Variants in TXNDC11 observed in about 807,000 individuals in gnomAD.
TXNDC11 encodes the protein thioredoxin domain containing 11.
A neutral mutation model predicts 78.0 loss-of-function variants in TXNDC11; 68 were observed. The ratio of observed to expected loss-of-function variants is 0.87; its 90% CI spans 0.72 to 1.07. The LOEUF (loss-of-function observed/expected upper bound fraction) is 1.07. Among genes scored for constraint, TXNDC11 ranks in the 50% least tolerant of loss-of-function variants. The pLI, the probability that TXNDC11 is intolerant of heterozygous loss-of-function variation, is 0.00. For missense variants in TXNDC11, 1,389 were observed against 1,221.8 expected (o/e 1.14, Z -2.04); for synonymous variants, 571 against 495.2 (o/e 1.15, Z -2.03).
chr16:11,707,563 C>G (rs55818119), intron 5 of TXNDC11, among the ~76,000 whole-genome samples: 1 of 151,822 alleles, frequency 6.6e-6, no homozygotes, highest in Admixed American at 6.6e-5. Context: ...ATTCTCCTGC[C>G]TCAGCCTCCT....
chr16:11,683,881 G>C (rs534257945), intron 11 of TXNDC11, among the ~76,000 whole-genome samples: 73 of 151,708 alleles, frequency 4.8e-4, no homozygotes, highest in African/African-American at 1.7e-3. Flanking sequence ...CCTCAGAGTA[G>C]CTGGGATTAC....
intron 3 of TXNDC11, among the ~76,000 whole-genome samples, chr16:11,732,619 C>T (rs1284436099): frequency 1.3e-5 from 2 of 152,184 alleles, no homozygotes; most frequent in African/African-American, 4.8e-5. Flanking sequence ...CAAAAACTGG[C>T]TTCTTACTAC....
intron 4 of TXNDC11, among the ~76,000 whole-genome samples, chr16:11,730,047 T>C (rs2052001444): frequency 6.6e-6 from 1 of 152,000 alleles, no homozygotes; most frequent in Admixed American, 6.5e-5. Flanking sequence ...TGAGCTGAGA[T>C]TGCACTCCAG....
chr16:11,698,434 C>CCCCGCTCCACGCCTGG, intron 6 of TXNDC11, 109 bp from the exon 7 acceptor site: 1 of 923,192 alleles, frequency 1.1e-6, no homozygotes, highest in Non-Finnish European at 1.7e-6. Flanking sequence ...AAAACCCAGG[C>CCCCGCTCCACGCCTGG]GTGGAGCGGG....
chr16:11,716,530 A>C (rs1022348213), intron 5 of TXNDC11, among the ~76,000 whole-genome samples: 14 of 152,202 alleles, frequency 9.2e-5, no homozygotes, highest in African/African-American at 3.4e-4. Flanking sequence ...AACATATACA[A>C]AGATTGCCAG....
At position 11,717,648 on chromosome 16, in the gene TXNDC11, C is replaced by T. The variant is rs374549165; in HGVS notation, c.793+3929G>A. Among the ~76,000 whole-genome samples the T allele has an allele frequency of 1.2e-4, 18 of 150,042 alleles. 3 individuals are homozygous for T. The highest frequency in any genetic ancestry group is 5.3e-4 in the Admixed American group (8 of 15,136). Reference sequence around the variant, plus strand: ...CAGCCTGGCCAACATGGTGAAACCCCGTCTCTACTAAAAATACAAAAAATA... The same window carrying T: ...CAGCCTGGCCAACATGGTGAAACCCTGTCTCTACTAAAAATACAAAAAATA... On this transcript the variant is annotated intron_variant, in intron 5 of 11. Coordinates refer to ENST00000283033, the MANE Select transcript of TXNDC11 (RefSeq NM_015914.7).
rs61745174 is a variant in TXNDC11, at chr16:11,679,549, C to T, written c.2523G>A (p.Gln841=). 1.0e-4 allele frequency: 164 copies of T among 1,613,600 alleles called. No individual in the cohort carries two copies. The African/African-American group carries it at 2.0e-3, about 20-fold the overall frequency. Residue 841 remains glutamine, a synonymous_variant, in exon 12 of 12, where the codon CAG becomes CAA. Transcript: ENST00000283033. This position sits in a 1 kb window ranked among gnomAD's most constrained non-coding sequence, Gnocchi z 4.6. ...TGTGCTGCTCTTCCAGGGCCCGCTGCTGCTGCCGCAGCCGGTGCTCATCTC... is the reference window on the plus strand; with the variant it reads ...TGTGCTGCTCTTCCAGGGCCCGCTGTTGCTGCCGCAGCCGGTGCTCATCTC... ...ARRDEHRLRQ[Q]QRALEEQHSL...
At chr16:11,724,449 C>G (rs1432971466) in intron 4 of TXNDC11, among the ~76,000 whole-genome samples, 1 of 152,084 alleles carries the variant, frequency 6.6e-6, no homozygotes, top group African/African-American at 2.4e-5. Flanking sequence ...CCTTTCCAAT[C>G]AACTTAATGT....
rs569041668 is a variant in TXNDC11 at position 11,683,356 on chromosome 16, G to T, written c.2234+809C>A. On this transcript the variant is annotated intron_variant, in intron 11 of 11. Transcript: ENST00000283033. ...GACGTTCACAGCAGTCTGCACGCAT[G>T]GGAGAAAACCCCTTTGTAGGCCTCC... Among the ~76,000 whole-genome samples the T allele has an allele frequency of 3.3e-5, 5 of 152,270 alleles. No individual in the cohort carries two copies. The South Asian group carries it at 1.0e-3, about 32-fold the overall frequency.
intron 11 of TXNDC11, among the ~76,000 whole-genome samples, chr16:11,683,333 C>T (rs1355996787): frequency 1.3e-5 from 2 of 152,176 alleles, no homozygotes; most frequent in East Asian, 1.9e-4. Context: ...CCATGGCGGA[C>T]GTTCACAGCA....
chr16:11,700,506 T>A lies in TXNDC11; in HGVS notation c.852A>T (p.Val284=). 6.2e-7 allele frequency: 1 copy of A among 1,606,346 alleles called. No homozygotes were observed. The highest frequency in any genetic ancestry group is 1.1e-5 in the South Asian group (1 of 90,724). ...ACACACTTCCAGAGTGTACTAAGGA[T>A]ACCAGTTTCGCAAGATGTTTATTTG... ...VITNKHLAKL[V]SLVHSGSVYL... The change falls in exon 6 of 12, where the codon GTA becomes GTT. Residue 284 remains valine, a synonymous_variant. Transcript: ENST00000283033.
chr16:11,681,723 T>C (rs1376102078), intron 11 of TXNDC11, among the ~76,000 whole-genome samples: 1 of 152,188 alleles, frequency 6.6e-6, no homozygotes, highest in Admixed American at 6.5e-5. Flanking sequence ...TTTTGCAATG[T>C]CACACAGAGT....
chr16:11,714,508 C>G (rs1397474868), intron 5 of TXNDC11, among the ~76,000 whole-genome samples: 2 of 152,040 alleles, frequency 1.3e-5, no homozygotes, highest in Non-Finnish European at 2.9e-5. Flanking sequence ...GGCGTGGTGG[C>G]GGGCGCCTGT....
chr16:11,725,751 C>G (rs533477829), intron 4 of TXNDC11, among the ~76,000 whole-genome samples: 12 of 152,258 alleles, frequency 7.9e-5, no homozygotes, highest in African/African-American at 2.2e-4. Flanking sequence ...CTAATAACAA[C>G]TGAAGTATTT....
intron 8 of TXNDC11, 100 bp downstream of exon 8, chr16:11,691,190 T>G (rs1254081942): frequency 9.9e-7 from 1 of 1,006,274 alleles, no homozygotes; most frequent in Non-Finnish European, 1.5e-6. Flanking sequence ...GAAGGTGACA[T>G]CACCCCACAA....
intron 4 of TXNDC11, among the ~76,000 whole-genome samples, chr16:11,724,667 C>T (rs987678209): frequency 1.8e-4 from 28 of 152,240 alleles, no homozygotes; most frequent in African/African-American, 6.7e-4. Context: ...ACTTCATTTT[C>T]CTCTCTCTAT....
At chr16:11,698,797 G>A (rs909715722) in intron 6 of TXNDC11, among the ~76,000 whole-genome samples, 1 of 152,232 alleles carries the variant, frequency 6.6e-6, no homozygotes, top group African/African-American at 2.4e-5. Flanking sequence ...GGCACAGGCT[G>A]TCTGTTCTGC....
At chr16:11,692,232 C>T (rs1156777449) in intron 7 of TXNDC11, 150 bp from the exon 8 acceptor site, 2 of 677,664 alleles carry the variant, frequency 3.0e-6, no homozygotes, top group South Asian at 2.3e-5. Context: ...ATAAACAAGT[C>T]GTAAGTTTTA....
chr16:11,723,243 G>C (rs546817908), intron 4 of TXNDC11, among the ~76,000 whole-genome samples: 4 of 149,338 alleles, frequency 2.7e-5, no homozygotes, highest in Admixed American at 6.7e-5. Flanking sequence ...GTGGGGGAGA[G>C]AGCAAGAGTC....
Sources: allele counts gnomAD v4.1 joint callset (sites outside exome capture counted in the v4.1 genomes callset), GRCh38; gene constraint gnomAD v4.1.1; non-coding constraint Gnocchi (gnomAD v3.1); transcripts MANE v1.5; gene names NCBI Gene and HGNC (gene_info 2026-07-23, HGNC 2026-07-21).